Variants in MRPS6 observed in about 807,000 individuals in gnomAD.
MRPS6 encodes the protein small ribosomal subunit protein bS6m.
Under a neutral mutation model 13.1 loss-of-function variants are expected in MRPS6, and 6 were observed. The ratio of observed to expected loss-of-function variants is 0.46; its 90% CI spans 0.25 to 0.91. The LOEUF (loss-of-function observed/expected upper bound fraction) is 0.91. Among genes scored for constraint, MRPS6 ranks in the 40% least tolerant of loss-of-function variants. The pLI, the probability that MRPS6 is intolerant of heterozygous loss-of-function variation, is 0.18. For missense variants in MRPS6, 164 were observed against 155.6 expected, an observed-to-expected ratio of 1.05 and a Z score of -0.29; for synonymous variants, 61 against 56.5, an observed-to-expected ratio of 1.08 and a Z score of -0.36.
chr21:34,097,552 C>G (rs1979023919), intron 1 of MRPS6: 1 of 1,377,322 alleles, frequency 7.3e-7, no homozygotes, highest in South Asian at 1.9e-5. Flanking sequence ...TTAAGTGAAG[C>G]CAAACCTAAC....
At chr21:34,106,778 A>G (rs1353713355) in intron 1 of MRPS6, among the ~76,000 whole-genome samples, 2 of 152,258 alleles carry the variant, frequency 1.3e-5, no homozygotes, top group African/African-American at 4.8e-5. Context: ...TTTTGAATCA[A>G]AAGACTATTC....
At chr21:34,135,491 T>G in intron 2 of MRPS6, 2 of 506,006 alleles carry the variant, frequency 4.0e-6, no homozygotes, top group South Asian at 1.5e-5. Flanking sequence ...GCAAAGGAGT[T>G]GGAGGAGCCC....
chr21:34,084,396 G>GA (rs375220115), intron 1 of MRPS6, among the ~76,000 whole-genome samples: 3 of 151,664 alleles, frequency 2.0e-5, no homozygotes, highest in Non-Finnish European at 2.9e-5. Flanking sequence ...ACTGAGAACA[G>GA]AAAAAAAACA....
In MRPS6 at chr21:34,102,748, G is replaced by A. The variant is rs528076308; in HGVS notation, c.46-22593G>A. 23 of 1,000,092 alleles carry A rather than the reference G, an allele frequency of 2.3e-5. No individual in the cohort carries two copies. The African/African-American group carries it at 3.8e-4, about 17-fold the overall frequency. The allele number at this position is 1,000,092 out of a possible 1,614,324, so 62.0% of individuals were successfully genotyped here. Reference sequence around the variant, plus strand: ...AGTGGTCTCAGATTTTTCGTAGTGTGGGAACAGTGGTTTTGCTCTATACCA... The same window carrying A: ...AGTGGTCTCAGATTTTTCGTAGTGTAGGAACAGTGGTTTTGCTCTATACCA... On this transcript the variant is annotated intron_variant, in intron 1 of 2. Transcript: ENST00000399312.
chr21:34,113,660 A>G (rs550850260), intron 1 of MRPS6, among the ~76,000 whole-genome samples: 1 of 152,204 alleles, frequency 6.6e-6, no homozygotes, highest in Non-Finnish European at 1.5e-5. Flanking sequence ...GTTGATGGAC[A>G]TGCTTTTTGT....
At chr21:34,093,569 G>T (rs1978816013) in intron 1 of MRPS6, among the ~76,000 whole-genome samples, 1 of 151,790 alleles carries the variant, frequency 6.6e-6, no homozygotes, top group African/African-American at 2.4e-5. Context: ...GACTTAAAAG[G>T]AAAATGCCTA....
rs190094648 is a variant in MRPS6, at chr21:34,131,411, C to T, written c.185+5931C>T. The stretch of plus-strand genomic sequence containing the variant: ...AAGTTGGGGCAGAGGGCTCTAACTC[C>T]CCTGGAGACACTGAGCCCCTTTTCT... On this transcript the variant is annotated intron_variant, in intron 2 of 2. Transcript: ENST00000399312. 2.5e-3 allele frequency among the ~76,000 whole-genome samples: 384 copies of T among 152,286 alleles called. 1 individual carries two copies. The highest frequency in any genetic ancestry group is 3.8e-3 in the Non-Finnish European group (260 of 68,034).
chr21:34,104,379 C>T (rs1346065690), intron 1 of MRPS6: 1 of 1,000,072 alleles, frequency 1.0e-6, no homozygotes, highest in Admixed American at 6.2e-5. Flanking sequence ...CCTCACTTCA[C>T]CTCCGAGTAG....
intron 1 of MRPS6, among the ~76,000 whole-genome samples, chr21:34,077,773 G>C (rs900067485): frequency 9.2e-5 from 14 of 152,086 alleles, no homozygotes; most frequent in African/African-American, 3.4e-4. Flanking sequence ...GTTCTGACTT[G>C]GTTTAATTTG....
intron 1 of MRPS6, among the ~76,000 whole-genome samples, chr21:34,081,846 AT>A (rs1989465729): frequency 6.6e-6 from 1 of 152,184 alleles, no homozygotes; most frequent in African/African-American, 2.4e-5. Context: ...GATAAAACTT[AT>A]TATATCTAAG....
At position 34,102,216 on chromosome 21, in the gene MRPS6, A is replaced by G. The variant is rs1979270645; in HGVS notation, c.46-23125A>G. ...TAGGAGAGAATTTAGTTAAGGTTCA[A>G]AGTAATTAACTGGCTTTGCCAGTGG... On this transcript the variant is annotated intron_variant, in intron 1 of 2. Transcript: ENST00000399312. 5.0e-6 allele frequency: 5 copies of G among 999,796 alleles called. No homozygotes were observed. The African/African-American group carries it at 8.7e-5, about 17-fold the overall frequency. 61.9% of individuals were successfully genotyped at this position (999,796 alleles called of 1,614,324 possible). A position where few individuals can be genotyped will look rare whatever the true frequency, so the allele number is the denominator to read the frequency against.
intron 1 of MRPS6, among the ~76,000 whole-genome samples, chr21:34,093,423 C>G (rs937387307): frequency 3.3e-5 from 5 of 152,078 alleles, no homozygotes; most frequent in Non-Finnish European, 5.9e-5. Flanking sequence ...GACCTAAGAA[C>G]CTAATTTTGT....
At chr21:34,095,585 G>A in intron 1 of MRPS6, 1 of 1,613,766 alleles carries the variant, frequency 6.2e-7, no homozygotes. Flanking sequence ...TTGCAGCCTT[G>A]TCTCTGATTC....
rs1423715462 is a variant in MRPS6 at position 34,138,211 on chromosome 21, G to C, written c.186-4197G>C. Among the ~76,000 whole-genome samples the C allele has an allele frequency of 5.3e-5, 8 of 151,872 alleles. No homozygotes were observed. In the East Asian group the frequency reaches 1.4e-3, roughly 26 times the overall value. On this transcript the variant is annotated intron_variant, in intron 2 of 2. Transcript: ENST00000399312. ...TTTTCTCCCATTTTGTAGGTTGCCT[G>C]TTCACTCTGATGGTAGTTTCTTTTG...
At chr21:34,126,047 C>A (rs990389214) in intron 2 of MRPS6, among the ~76,000 whole-genome samples, 19 of 152,154 alleles carry the variant, frequency 1.2e-4, no homozygotes, top group Admixed American at 4.6e-4. Context: ...TCTTGGAGAA[C>A]AATTTGTAGA....
At chr21:34,134,504 C>T (rs1037010614) in intron 2 of MRPS6, among the ~76,000 whole-genome samples, 7 of 152,202 alleles carry the variant, frequency 4.6e-5, no homozygotes, top group African/African-American at 1.4e-4. Flanking sequence ...AGCTTTATAG[C>T]GATGATTAGC....
rs1980593935 is a variant in MRPS6 at position 34,133,836 on chromosome 21, T to C, written c.185+8356T>C. On this transcript the variant is annotated intron_variant, in intron 2 of 2. Coordinates refer to ENST00000399312, the MANE Select transcript of MRPS6 (RefSeq NM_032476.4). Reference sequence around the variant, plus strand: ...GGGAGCTCAGAGAAAAACTACCTGCTATAGACTTCAGTGTGTTGGGAATGT... The same window carrying C: ...GGGAGCTCAGAGAAAAACTACCTGCCATAGACTTCAGTGTGTTGGGAATGT... Among the ~76,000 whole-genome samples the C allele has an allele frequency of 2.6e-5, 4 of 152,206 alleles. No individual in the cohort carries two copies. The South Asian group carries it at 8.3e-4, about 32-fold the overall frequency.
intron 1 of MRPS6, chr21:34,101,831 A>G: frequency 2.0e-6 from 2 of 999,652 alleles, no homozygotes; most frequent in Non-Finnish European, 2.4e-6. Context: ...TTGGCTAATA[A>G]TAAAAGCACT....
intron 1 of MRPS6, chr21:34,095,761 A>G: frequency 6.2e-7 from 1 of 1,613,990 alleles, no homozygotes; most frequent in East Asian, 2.2e-5. Flanking sequence ...GACACTCTGC[A>G]GGCTCTGCTC....
Sources: gnomAD v4.1 joint callset for allele counts (sites outside exome capture counted in the v4.1 genomes callset) on GRCh38, gnomAD v4.1.1 for gene constraint, MANE v1.5 for transcripts, NCBI Gene and HGNC (gene_info 2026-07-23, HGNC 2026-07-21) for gene names.